Variants in UVRAG observed in about 807,000 individuals in gnomAD.
The protein encoded by UVRAG is UV radiation resistance associated.
A neutral mutation model predicts 78.0 loss-of-function variants in UVRAG; 19 were observed. That is an observed-to-expected ratio of 0.24 (90% CI 0.17 to 0.36). The LOEUF (loss-of-function observed/expected upper bound fraction) is 0.36. Ranked by LOEUF, UVRAG falls within the 10% of genes least tolerant of loss-of-function variation. The pLI, the probability that UVRAG is intolerant of heterozygous loss-of-function variation, is 1.00. For synonymous variants in UVRAG, 323 were observed against 324.6 expected (o/e 1.00, Z 0.05); for missense variants, 740 against 853.8 (o/e 0.87, Z 1.66).
intron 6 of UVRAG, among the ~76,000 whole-genome samples, chr11:75,937,409 A>G (rs1227848508): frequency 6.6e-6 from 1 of 152,128 alleles, no homozygotes; most frequent in Admixed American, 6.5e-5. Flanking sequence ...TGTCTGAAGT[A>G]TTTCCTTTTG....
In UVRAG at chr11:75,815,249, G is replaced by A. The variant is rs1945231666; in HGVS notation, c.-159G>A. On this transcript the variant is annotated 5_prime_UTR_variant, in exon 1 of 15. Transcript: ENST00000356136. ...TCCTTAGCCAGCGGCGGCAACGGCG[G>A]CAGCGGCGGCAGCGGCGGCGGCTAC... The A allele has an allele frequency of 2.2e-6, 1 of 452,640 alleles. No individual in the cohort carries two copies. The allele number at this position is 452,640 out of a possible 1,614,324, so 28.0% of individuals were successfully genotyped here.
intron 6 of UVRAG, among the ~76,000 whole-genome samples, chr11:75,924,793 A>G (rs1227596448): frequency 6.6e-6 from 1 of 152,202 alleles, no homozygotes; most frequent in Non-Finnish European, 1.5e-5. Flanking sequence ...CTTATAGGCA[A>G]TTATGCTACT....
At chr11:76,005,494 G>A (rs1949917710) in intron 9 of UVRAG, among the ~76,000 whole-genome samples, 1 of 152,208 alleles carries the variant, frequency 6.6e-6, no homozygotes, top group African/African-American at 2.4e-5. Flanking sequence ...CTTCAGTGCT[G>A]TTTTAGATAA....
Position 76,039,124 on chromosome 11 carries a change from G to A in UVRAG, c.1226+22144G>A, listed in dbSNP as rs7111264. On this transcript the variant is annotated intron_variant, in intron 12 of 14. Coordinates refer to ENST00000356136, the MANE Select transcript of UVRAG (RefSeq NM_003369.4). ...TAATATATTGTGTGACTTTGGACAA[G>A]TTACTTGATCACCCTATGTGCCTTA... 7.0e-3 allele frequency among the ~76,000 whole-genome samples: 1,070 copies of A among 152,228 alleles called. 8 individuals carry two copies. Among genetic ancestry groups the A allele is most frequent in the African/African-American group, 0.025 (1,029 of 41,574 alleles).
intron 6 of UVRAG, among the ~76,000 whole-genome samples, chr11:75,956,740 C>A (rs191498803): frequency 1.3e-4 from 20 of 152,228 alleles, no homozygotes; most frequent in African/African-American, 4.6e-4. Flanking sequence ...CACATCCTTG[C>A]CAGCATTTAG....
chr11:75,870,405 A>G (rs956167142), intron 3 of UVRAG, among the ~76,000 whole-genome samples: 3 of 152,220 alleles, frequency 2.0e-5, no homozygotes, highest in African/African-American at 7.2e-5. Flanking sequence ...ACAACCCCCA[A>G]GAGTATCTAT....
chr11:75,915,566 C>G (rs1030504581), intron 6 of UVRAG, among the ~76,000 whole-genome samples: 6 of 152,080 alleles, frequency 3.9e-5, no homozygotes, highest in East Asian at 1.9e-4. Flanking sequence ...AATGTTATTC[C>G]TTAACTAGCA....
chr11:75,822,382 T>C (rs1945412904), intron 1 of UVRAG, among the ~76,000 whole-genome samples: 1 of 152,236 alleles, frequency 6.6e-6, no homozygotes, highest in Non-Finnish European at 1.5e-5. Flanking sequence ...GTGGGGCTTT[T>C]TCCCCACACA....
intron 13 of UVRAG, among the ~76,000 whole-genome samples, chr11:76,088,503 C>G (rs1387120524): frequency 6.6e-6 from 1 of 150,766 alleles, no homozygotes; most frequent in African/African-American, 2.5e-5. Flanking sequence ...CGCCCCCTCC[C>G]CCGCCTTGCA....
At chr11:75,879,801 A>G in intron 3 of UVRAG, 78 bp from the exon 4 acceptor site, 6 of 1,544,596 alleles carry the variant, frequency 3.9e-6, no homozygotes, top group Non-Finnish European at 5.3e-6. Flanking sequence ...TTTGAAAAAC[A>G]AAATGATTTG....
rs895528245 is a variant in UVRAG, at chr11:75,882,528, T to A, written c.432+2488T>A. Among the ~76,000 whole-genome samples the A allele has an allele frequency of 6.7e-4, 100 of 150,338 alleles. 1 individual carries two copies. Among genetic ancestry groups the A allele is most frequent in the Middle Eastern group, 3.4e-3 (1 of 292 alleles). On this transcript the variant is annotated intron_variant, in intron 4 of 14. Coordinates refer to ENST00000356136, the MANE Select transcript of UVRAG (RefSeq NM_003369.4). ...ACTCTATCTCAAAAAAAAAAAAAAA[T>A]TTTTTTTGAAAATCTAAAAAAAACT... is the stretch of plus-strand genomic sequence containing the variant.
rs1483878704 is a variant in UVRAG, at chr11:76,007,489, C to A, written c.912-45C>A. ...GTGGAAATAAATGTTACAAAGCATG[C>A]AAGCATATATTTTTTAATAAATGTA... On this transcript the variant is annotated intron_variant, in intron 9 of 14. Transcript: ENST00000356136. 4.9e-6 allele frequency: 7 copies of A among 1,416,064 alleles called. No homozygotes were observed. The East Asian group carries it at 1.6e-4, about 32-fold the overall frequency. 87.7% of individuals were successfully genotyped at this position (1,416,064 alleles called of 1,614,324 possible). A position where few individuals can be genotyped will look rare whatever the true frequency, so the allele number is the denominator to read the frequency against.
chr11:76,077,802 A>G (rs1951430270), intron 13 of UVRAG, among the ~76,000 whole-genome samples: 1 of 152,228 alleles, frequency 6.6e-6, no homozygotes. Flanking sequence ...CATCTTACAT[A>G]ACAGGCTTCC....
intron 5 of UVRAG, among the ~76,000 whole-genome samples, chr11:75,902,361 C>T (rs1484477598): frequency 6.6e-6 from 1 of 152,152 alleles, no homozygotes; most frequent in African/African-American, 2.4e-5. Flanking sequence ...ACCTAGATCC[C>T]TTGCATGTAT....
At chr11:75,981,179 T>C (rs1949384238) in intron 7 of UVRAG, among the ~76,000 whole-genome samples, 3 of 151,954 alleles carry the variant, frequency 2.0e-5, no homozygotes, top group Admixed American at 6.6e-5. Context: ...TGGCATGATC[T>C]TGGCTCACGG....
At chr11:75,962,801 C>A (rs573488908) in intron 7 of UVRAG, among the ~76,000 whole-genome samples, 101 of 152,068 alleles carry the variant, frequency 6.6e-4, no homozygotes, top group Non-Finnish European at 1.2e-3. Context: ...TTTTGTTTTC[C>A]TCTCCCAAGG....
chr11:75,974,083 C>T (rs1949181057), intron 7 of UVRAG, among the ~76,000 whole-genome samples: 1 of 152,192 alleles, frequency 6.6e-6, no homozygotes, highest in Non-Finnish European at 1.5e-5. Flanking sequence ...AACAGGATGG[C>T]TGGGCCAAAT....
chr11:75,866,521 T>G (rs11825402), intron 3 of UVRAG, among the ~76,000 whole-genome samples: 3 of 152,042 alleles, frequency 2.0e-5, no homozygotes, highest in Admixed American at 1.3e-4. Context: ...GCACTCCAGC[T>G]TGGGCGACAC....
intron 1 of UVRAG, among the ~76,000 whole-genome samples, chr11:75,827,553 G>C (rs1219782307): frequency 6.6e-6 from 1 of 152,222 alleles, no homozygotes; most frequent in Non-Finnish European, 1.5e-5. Flanking sequence ...GGAGGTTGCA[G>C]TGAGCCGAGA....
Sources: allele counts gnomAD v4.1 joint callset (sites outside exome capture counted in the v4.1 genomes callset), GRCh38; gene constraint gnomAD v4.1.1; transcripts MANE v1.5; gene names NCBI Gene and HGNC (gene_info 2026-07-23, HGNC 2026-07-21).